Variants in STUM observed in about 807,000 individuals in gnomAD.
STUM encodes the protein stum, mechanosensory transduction mediator homolog.
In STUM, 8 loss-of-function variants were observed where a neutral mutation model predicts 15.3. The observed-to-expected ratio is 0.52, with a 90% CI of 0.31 to 0.94. The LOEUF (loss-of-function observed/expected upper bound fraction) is 0.94. STUM is among the 40% of genes least tolerant of loss of function. The pLI is 0.05. For missense variants in STUM, 142 were observed against 204.9 expected (o/e 0.69, Z 1.87); for synonymous variants, 78 against 88.7 (o/e 0.88, Z 0.68).
rs1667328164 is a variant in STUM, at chr1:226,549,191, C to T, written c.202+85C>T. The stretch of plus-strand genomic sequence containing the variant: ...GAGAGAAGGGCGCGGCCGGAGACCT[C>T]CTGGCGGGGCCGCGCGCTCCAAGTG... On this transcript the variant is annotated intron_variant, in intron 1 of 3. Transcript: ENST00000366788. This position sits in a 1 kb window ranked among gnomAD's most constrained non-coding sequence, Gnocchi z 6.8. 2.5e-6 allele frequency: 3 copies of T among 1,196,938 alleles called. No homozygotes were observed. The highest frequency in any genetic ancestry group is 3.5e-6 in the Non-Finnish European group (3 of 860,898). 74.1% of individuals were successfully genotyped at this position (1,196,938 alleles called of 1,614,324 possible).
chr1:226,601,958 T>C, intron 3 of STUM, 48 bp from the exon 4 acceptor site: 1 of 1,579,928 alleles, frequency 6.3e-7, no homozygotes, highest in Non-Finnish European at 8.7e-7. Flanking sequence ...GGAGAAATCC[T>C]GAAGTAAGCA....
chr1:226,580,412 A>G (rs975533099), intron 1 of STUM, among the ~76,000 whole-genome samples: 22 of 151,828 alleles, frequency 1.4e-4, no homozygotes, highest in African/African-American at 5.1e-4. Context: ...CCCTGGGTGG[A>G]GGGGAGAGGA....
At chr1:226,572,191 C>T (rs1323685898) in intron 1 of STUM, among the ~76,000 whole-genome samples, 1 of 152,218 alleles carries the variant, frequency 6.6e-6, no homozygotes, top group Non-Finnish European at 1.5e-5. Flanking sequence ...TCACCTTCCT[C>T]CACAGAGGGG....
In STUM at chr1:226,602,326, G is replaced by A. The variant is rs1485598127; in HGVS notation, c.*286G>A. 5.7e-5 allele frequency: 26 copies of A among 459,272 alleles called. No individual in the cohort carries two copies. The highest frequency in any genetic ancestry group is 9.9e-5 in the Non-Finnish European group (25 of 252,492). The allele number at this position is 459,272 out of a possible 1,614,324, so 28.4% of individuals were successfully genotyped here. A position where few individuals can be genotyped will look rare whatever the true frequency, so the allele number is the denominator to read the frequency against. On this transcript the variant is annotated 3_prime_UTR_variant, in exon 4 of 4. Coordinates refer to ENST00000366788, the MANE Select transcript of STUM (RefSeq NM_001003665.4). ...GCCCACAGAGAGGCTGGGATGCTCCGGCAGGCTCCAACTGGCCTTGCTGTA... is the reference window on the plus strand; with the variant it reads ...GCCCACAGAGAGGCTGGGATGCTCCAGCAGGCTCCAACTGGCCTTGCTGTA...
At chr1:226,599,195 G>C (rs1274341677) in intron 2 of STUM, among the ~76,000 whole-genome samples, 1 of 152,110 alleles carries the variant, frequency 6.6e-6, no homozygotes, top group East Asian at 1.9e-4. Context: ...ATTTGGGTGG[G>C]GACACAGCCA....
chr1:226,569,148 T>G (rs1448341277), intron 1 of STUM, among the ~76,000 whole-genome samples: 1 of 152,210 alleles, frequency 6.6e-6, no homozygotes, highest in Non-Finnish European at 1.5e-5. Flanking sequence ...ACTTAACCTC[T>G]CTGTGCCTCA....
At chr1:226,564,054 C>A (rs572815228) in intron 1 of STUM, among the ~76,000 whole-genome samples, 7 of 152,306 alleles carry the variant, frequency 4.6e-5, no homozygotes, top group Non-Finnish European at 7.4e-5. Context: ...ACATCCTGAG[C>A]ACAAGGCCCT....
chr1:226,555,504 C>CTG (rs1667433218), intron 1 of STUM, among the ~76,000 whole-genome samples: 1 of 30,254 alleles, frequency 3.3e-5, no homozygotes, highest in Non-Finnish European at 6.7e-5. Flanking sequence ...TCAACTTTGA[C>CTG]TCTTTTCTTT....
At chr1:226,569,042 G>A (rs1667666202) in intron 1 of STUM, among the ~76,000 whole-genome samples, 1 of 126,200 alleles carries the variant, frequency 7.9e-6, no homozygotes, top group Non-Finnish European at 1.7e-5. Flanking sequence ...CCAAGTTTTG[G>A]TGTCTCTTTT....
At position 226,567,303 on chromosome 1, in the gene STUM, A is replaced by G. The variant is rs1190781084; in HGVS notation, c.202+18197A>G. Among the ~76,000 whole-genome samples, 1 of 152,248 alleles carries G rather than the reference A, an allele frequency of 6.6e-6. No individual in the cohort carries two copies. The highest frequency in any genetic ancestry group is 6.5e-5 in the Admixed American group (1 of 15,290). The stretch of plus-strand genomic sequence containing the variant: ...ACGGCCCCGCGGGCTCTTTTCTCAA[A>G]CCAGATTCGTTCAAAAAGCCCATTT... On this transcript the variant is annotated intron_variant, in intron 1 of 3. Coordinates refer to ENST00000366788, the MANE Select transcript of STUM (RefSeq NM_001003665.4). The surrounding 1 kb of genome is among the most constrained non-coding windows in gnomAD (Gnocchi z 4.5).
chr1:226,596,814 C>T lies in STUM; in HGVS notation c.215C>T (p.Ser72Leu). The change falls in exon 2 of 4, where the codon TCG becomes TTG. Residue 72 changes from serine (S) to leucine (L), a missense_variant. Transcript: ENST00000366788. ...TFVPGLGTFVSAFTVLCGART... is the reference protein window; with the variant it reads ...TFVPGLGTFVLAFTVLCGART... ...TGGCCTCTCACAGGGACATTCGTCT[C>T]GGCCTTCACTGTGCTGTGCGGGGCC... 4 of 1,611,600 alleles carry T rather than the reference C, an allele frequency of 2.5e-6. No homozygotes were observed. Among genetic ancestry groups the T allele is most frequent in the Non-Finnish European group, 3.4e-6 (4 of 1,177,994 alleles).
At chr1:226,586,115 G>C (rs1667993413) in intron 1 of STUM, among the ~76,000 whole-genome samples, 1 of 152,128 alleles carries the variant, frequency 6.6e-6, no homozygotes, top group Non-Finnish European at 1.5e-5. Flanking sequence ...GAGATGTTCT[G>C]CTATTACCTG....
intron 1 of STUM, among the ~76,000 whole-genome samples, chr1:226,577,511 A>C (rs1667837239): frequency 1.3e-5 from 2 of 151,878 alleles, no homozygotes; most frequent in African/African-American, 4.8e-5. Flanking sequence ...ACACACACAC[A>C]CACACACACT....
In STUM at chr1:226,549,839, G is replaced by C. The variant is rs1298141515; in HGVS notation, c.202+733G>C. Among the ~76,000 whole-genome samples, 1 of 152,206 alleles carries C rather than the reference G, an allele frequency of 6.6e-6. No homozygotes were observed. Among genetic ancestry groups the C allele is most frequent in the African/African-American group, 2.4e-5 (1 of 41,450 alleles). Reference sequence around the variant, plus strand: ...CCGATGTAATTCTGTGCAGGACTCCGGCAGCCGGCAGGGGTTCTGGTGGCA... The same window carrying C: ...CCGATGTAATTCTGTGCAGGACTCCCGCAGCCGGCAGGGGTTCTGGTGGCA... On this transcript the variant is annotated intron_variant, in intron 1 of 3. Coordinates refer to ENST00000366788, the MANE Select transcript of STUM (RefSeq NM_001003665.4). This position sits in a 1 kb window ranked among gnomAD's most constrained non-coding sequence, Gnocchi z 6.8.
rs1379890106 is a variant in STUM at position 226,602,295 on chromosome 1, G to A, written c.*255G>A. ...GAGCATCAGAGAGTGGGGTGGAGAT[G>A]AGAACGCCCACAGAGAGGCTGGGAT... On this transcript the variant is annotated 3_prime_UTR_variant, in exon 4 of 4. Transcript: ENST00000366788. 5.8e-6 allele frequency: 3 copies of A among 518,098 alleles called. No homozygotes were observed. The highest frequency in any genetic ancestry group is 5.7e-5 in the African/African-American group (3 of 52,262). The allele number at this position is 518,098 out of a possible 1,614,324, so 32.1% of individuals were successfully genotyped here.
Position 226,600,760 on chromosome 1 carries a change from C to A in STUM, c.391+86C>A. On this transcript the variant is annotated intron_variant, in intron 3 of 3. Coordinates refer to ENST00000366788, the MANE Select transcript of STUM (RefSeq NM_001003665.4). The surrounding 1 kb of genome is among the most constrained non-coding windows in gnomAD (Gnocchi z 5.2). ...AGACCCCCACTCCTGCACACAAACACCCCACCCACTCTCCCAGTGGGTCAA... is the reference window on the plus strand; with the variant it reads ...AGACCCCCACTCCTGCACACAAACAACCCACCCACTCTCCCAGTGGGTCAA... The A allele has an allele frequency of 7.0e-7, 1 of 1,430,194 alleles. No individual in the cohort carries two copies. The highest frequency in any genetic ancestry group is 9.8e-7 in the Non-Finnish European group (1 of 1,022,672). The allele number at this position is 1,430,194 out of a possible 1,614,324, so 88.6% of individuals were successfully genotyped here.
chr1:226,554,124 G>A (rs192420115), intron 1 of STUM, among the ~76,000 whole-genome samples: 59 of 152,310 alleles, frequency 3.9e-4, no homozygotes, highest in Non-Finnish European at 6.9e-4. Context: ...ATTCCATGCC[G>A]AACAGACACG....
At chr1:226,589,054 C>T (rs1473130946) in intron 1 of STUM, among the ~76,000 whole-genome samples, 1 of 152,220 alleles carries the variant, frequency 6.6e-6, no homozygotes, top group Non-Finnish European at 1.5e-5. Context: ...TGGGATCAAA[C>T]AACTTGCTGG....
chr1:226,584,408 T>C (rs1667966731), intron 1 of STUM, among the ~76,000 whole-genome samples: 1 of 152,252 alleles, frequency 6.6e-6, no homozygotes, highest in Non-Finnish European at 1.5e-5. Flanking sequence ...TGTTATATGC[T>C]GTTGGTTATT....
Sources: gnomAD v4.1 joint callset for allele counts (sites outside exome capture counted in the v4.1 genomes callset) on GRCh38, gnomAD v4.1.1 for gene constraint, Gnocchi (gnomAD v3.1) non-coding constraint, MANE v1.5 for transcripts, NCBI Gene and HGNC (gene_info 2026-07-23, HGNC 2026-07-21) for gene names.